NDUFS4: variants seen among roughly 807,000 people sequenced by gnomAD.
The protein encoded by NDUFS4 is NADH dehydrogenase [ubiquinone] iron-sulfur protein 4, mitochondrial.
In NDUFS4, 28 loss-of-function variants were observed where a neutral mutation model predicts 24.3. That is an observed-to-expected ratio of 1.15 (90% CI 0.85 to 1.58). The LOEUF is 1.58. Among genes scored for constraint, NDUFS4 ranks in the 40% most tolerant of loss-of-function variants. The pLI, the probability that NDUFS4 is intolerant of heterozygous loss-of-function variation, is 0.00. For missense variants in NDUFS4, 223 were observed against 207.9 expected (o/e 1.07, Z -0.45); for synonymous variants, 93 against 69.7 (o/e 1.34, Z -1.67).
intron 4 of NDUFS4, among the ~76,000 whole-genome samples, chr5:53,676,501 G>A (rs1335072129): frequency 1.3e-5 from 2 of 152,128 alleles, no homozygotes; most frequent in Admixed American, 6.6e-5. Context: ...TATAACTCAT[G>A]CCTAAACAAA....
At chr5:53,651,306 G>C (rs1349019816) in intron 3 of NDUFS4, among the ~76,000 whole-genome samples, 2 of 151,696 alleles carry the variant, frequency 1.3e-5, no homozygotes, top group African/African-American at 2.4e-5. Context: ...TGGACATATT[G>C]AATTCTGACT....
At chr5:53,613,206 G>A (rs972456406) in intron 2 of NDUFS4, among the ~76,000 whole-genome samples, 2 of 151,996 alleles carry the variant, frequency 1.3e-5, no homozygotes, top group Non-Finnish European at 2.9e-5. Flanking sequence ...TGCGATTGGG[G>A]TTATACAGCT....
At chr5:53,577,939 T>C (rs534956278) in intron 1 of NDUFS4, among the ~76,000 whole-genome samples, 2 of 152,304 alleles carry the variant, frequency 1.3e-5, no homozygotes, top group East Asian at 1.9e-4. Flanking sequence ...ATTCTCCAGA[T>C]GAGCATGTAT....
At chr5:53,646,178 A>G (rs1194707170) in intron 2 of NDUFS4, 55 bp from the exon 3 acceptor site, 8 of 1,366,366 alleles carry the variant, frequency 5.9e-6, no homozygotes, top group Non-Finnish European at 7.2e-6. Flanking sequence ...ACAAAAGTAC[A>G]TTAGTGTGTA....
intron 4 of NDUFS4, among the ~76,000 whole-genome samples, chr5:53,663,237 T>C (rs1752399817): frequency 6.6e-6 from 1 of 152,198 alleles, no homozygotes; most frequent in Middle Eastern, 3.2e-3. Context: ...TGCTGAGGTG[T>C]GCTTTACTTC....
At chr5:53,593,670 T>A (rs562932887) in intron 1 of NDUFS4, among the ~76,000 whole-genome samples, 87 of 152,052 alleles carry the variant, frequency 5.7e-4, no homozygotes, top group African/African-American at 2.0e-3. Flanking sequence ...TCTTCTTTTC[T>A]AATATATGCA....
chr5:53,581,529 C>A, intron 1 of NDUFS4, among the ~76,000 whole-genome samples: 1 of 152,086 alleles, frequency 6.6e-6, no homozygotes, highest in Non-Finnish European at 1.5e-5. Context: ...TGCTTGCAAC[C>A]CCTAAATGTT....
At chr5:53,563,307 T>A (rs550057541) in intron 1 of NDUFS4, among the ~76,000 whole-genome samples, 1 of 149,932 alleles carries the variant, frequency 6.7e-6, no homozygotes, top group Non-Finnish European at 1.5e-5. Context: ...TCAATTATAG[T>A]ATATCATCAG....
chr5:53,599,865 T>C (rs1357726220), intron 1 of NDUFS4, among the ~76,000 whole-genome samples: 1 of 152,062 alleles, frequency 6.6e-6, no homozygotes, highest in Non-Finnish European at 1.5e-5. Flanking sequence ...ATATTTTCCT[T>C]CCATCTACCA....
Position 53,560,767 on chromosome 5 carries a change from G to A in NDUFS4, c.98+7G>A. The A allele has an allele frequency of 1.9e-6, 3 of 1,614,174 alleles. No individual in the cohort carries two copies. Among genetic ancestry groups the A allele is most frequent in the Non-Finnish European group, 2.5e-6 (3 of 1,180,044 alleles). On this transcript the variant is annotated splice_region_variant and intron_variant, in intron 1 of 4. Coordinates refer to ENST00000296684, the MANE Select transcript of NDUFS4 (RefSeq NM_002495.4). ...TTTCCAGGGTTCCGACCAGGTAATA[G>A]AATTTTCACACTTTTCTTCAAGCTT...
chr5:53,582,414 G>T (rs1014717027), intron 1 of NDUFS4, among the ~76,000 whole-genome samples: 26 of 152,154 alleles, frequency 1.7e-4, no homozygotes, highest in Admixed American at 1.4e-3. Flanking sequence ...CCATCACATT[G>T]CAGGGCACAC....
At chr5:53,594,964 G>T (rs1397502290) in intron 1 of NDUFS4, among the ~76,000 whole-genome samples, 9 of 151,892 alleles carry the variant, frequency 5.9e-5, no homozygotes, top group African/African-American at 1.9e-4. Flanking sequence ...TTTAGAAAGG[G>T]ATTCAGACAT....
intron 1 of NDUFS4, among the ~76,000 whole-genome samples, chr5:53,563,609 C>T (rs963218901): frequency 2.6e-5 from 4 of 151,800 alleles, no homozygotes; most frequent in African/African-American, 7.3e-5. Context: ...TCAAGCGATT[C>T]TCCCGCCCCA....
chr5:53,634,146 CTGTTGCATAGTTTT>C (rs1162464595), intron 2 of NDUFS4, among the ~76,000 whole-genome samples: 1 of 152,126 alleles, frequency 6.6e-6, no homozygotes, highest in African/African-American at 2.4e-5. Context: ...AAGGAAACTT[CTGTTGCATAGTTTT>C]TTATTCTTAT....
intron 4 of NDUFS4, among the ~76,000 whole-genome samples, chr5:53,682,178 A>ATGACT (rs1310374467): frequency 6.6e-6 from 1 of 152,146 alleles, no homozygotes; most frequent in African/African-American, 2.4e-5. Flanking sequence ...GAATAAAAGA[A>ATGACT]TGACTTAATT....
In NDUFS4 at chr5:53,585,843, A is replaced by T. The variant is rs1352661910; in HGVS notation, c.99-17609A>T. ...TATGTGTCCTTTTGTGCTTTTATGC[A>T]TATGTTTTTTGTTATGTTACATTTC... On this transcript the variant is annotated intron_variant, in intron 1 of 4. Coordinates refer to ENST00000296684, the MANE Select transcript of NDUFS4 (RefSeq NM_002495.4). 2.6e-5 allele frequency among the ~76,000 whole-genome samples: 4 copies of T among 151,406 alleles called. No individual in the cohort carries two copies. The East Asian group carries it at 7.7e-4, about 29-fold the overall frequency.
intron 2 of NDUFS4, among the ~76,000 whole-genome samples, chr5:53,632,016 C>T (rs1320781762): frequency 1.2e-4 from 18 of 152,168 alleles, no homozygotes; most frequent in East Asian, 5.8e-4. Flanking sequence ...TGTTCTGCTT[C>T]GGCTCGCCCT....
chr5:53,637,262 C>A lies in NDUFS4; in HGVS notation c.178-8971C>A, dbSNP rs75651288. On this transcript the variant is annotated intron_variant, in intron 2 of 4. Transcript: ENST00000296684. ...CCAAGAAGTAGCATTCCTTACTCAC[C>A]TAGCTGTAAGGCAACCATACAACCA... Among the ~76,000 whole-genome samples the A allele has an allele frequency of 2.0e-3, 297 of 152,288 alleles. 1 individual carries two copies. The highest frequency in any genetic ancestry group is 6.5e-3 in the African/African-American group (272 of 41,556).
Position 53,603,548 on chromosome 5 carries a change from C to G in NDUFS4, c.177+18C>G. 6.3e-7 allele frequency: 1 copy of G among 1,585,780 alleles called. No individual in the cohort carries two copies. The highest frequency in any genetic ancestry group is 1.7e-5 in the Admixed American group (1 of 59,948). ...AAAAATTGGTAAGGATTTTCTACTA[C>G]ACACTGCTATGGTTCTGCCTTCAGG... On this transcript the variant is annotated intron_variant, in intron 2 of 4. Coordinates refer to ENST00000296684, the MANE Select transcript of NDUFS4 (RefSeq NM_002495.4).
Sources: gnomAD v4.1 joint callset for allele counts (sites outside exome capture counted in the v4.1 genomes callset) on GRCh38, gnomAD v4.1.1 for gene constraint, MANE v1.5 for transcripts, NCBI Gene and HGNC (gene_info 2026-07-23, HGNC 2026-07-21) for gene names.